The following RGS9 variants were observed in gnomAD, a reference collection of about 807,000 sequenced individuals.
The protein encoded by RGS9 is regulator of G protein signaling 9, also known as regulator of G-protein signalling 9.
A neutral mutation model predicts 102.0 loss-of-function variants in RGS9; 78 were observed. The ratio of observed to expected loss-of-function variants is 0.76; its 90% CI spans 0.64 to 0.92. The LOEUF (loss-of-function observed/expected upper bound fraction) is 0.92, where lower values mean the gene tolerates loss of function less well. Ranked by LOEUF, RGS9 falls within the 40% of genes least tolerant of loss-of-function variation. The pLI is 0.00. For missense variants in RGS9, 833 were observed against 866.1 expected, an observed-to-expected ratio of 0.96 and a Z score of 0.48; for synonymous variants, 353 against 318.6, an observed-to-expected ratio of 1.11 and a Z score of -1.15.
chr17:65,164,522 G>T (rs1911102052), intron 7 of RGS9, among the ~76,000 whole-genome samples: 1 of 152,150 alleles, frequency 6.6e-6, no homozygotes, highest in African/African-American at 2.4e-5. Context: ...ATCCAGGAAG[G>T]TCTAGACTTG....
At chr17:65,212,952 A>G (rs1171359031) in intron 17 of RGS9, among the ~76,000 whole-genome samples, 1 of 152,170 alleles carries the variant, frequency 6.6e-6, no homozygotes, top group Non-Finnish European at 1.5e-5. Flanking sequence ...CATGAATGAC[A>G]TGAGTGGATG....
At chr17:65,161,701 T>G (rs1910988829) in intron 6 of RGS9, among the ~76,000 whole-genome samples, 1 of 135,312 alleles carries the variant, frequency 7.4e-6, no homozygotes, top group Non-Finnish European at 1.5e-5. Flanking sequence ...TTTTTATTTT[T>G]ATTTATATAT....
At chr17:65,171,312 A>T (rs1029508923) in intron 8 of RGS9, among the ~76,000 whole-genome samples, 1 of 152,224 alleles carries the variant, frequency 6.6e-6, no homozygotes, top group Admixed American at 6.5e-5. Flanking sequence ...CTTGGCACAG[A>T]TGACCTCATT....
intron 8 of RGS9, among the ~76,000 whole-genome samples, chr17:65,175,163 G>A (rs1911578216): frequency 2.6e-5 from 4 of 151,300 alleles, no homozygotes; most frequent in Admixed American, 2.6e-4. Context: ...GGGAGTATGT[G>A]TAGGTGTGTG....
At chr17:65,182,648 A>G (rs987634324) in intron 9 of RGS9, among the ~76,000 whole-genome samples, 1 of 152,228 alleles carries the variant, frequency 6.6e-6, no homozygotes, top group Admixed American at 6.5e-5. Flanking sequence ...AGAAAACAAA[A>G]TAGAGAGACA....
At chr17:65,153,296 G>A (rs527240413) in intron 1 of RGS9, 126 bp from the exon 2 acceptor site, 6 of 824,638 alleles carry the variant, frequency 7.3e-6, no homozygotes, top group Non-Finnish European at 1.1e-5. Context: ...CCTGGCTCCT[G>A]TACCAGATGG....
chr17:65,199,790 G>A (rs952454873), intron 13 of RGS9, among the ~76,000 whole-genome samples: 8 of 151,980 alleles, frequency 5.3e-5, no homozygotes, highest in African/African-American at 1.9e-4. Context: ...CACTGCGCCT[G>A]GCCACGTGGT....
chr17:65,203,354 G>A (rs1419044940), intron 14 of RGS9, among the ~76,000 whole-genome samples: 1 of 152,138 alleles, frequency 6.6e-6, no homozygotes, highest in Admixed American at 6.5e-5. Context: ...ATGGGTGCCT[G>A]ATTGCCTTAC....
intron 1 of RGS9, among the ~76,000 whole-genome samples, chr17:65,153,078 G>A (rs994339191): frequency 6.6e-5 from 10 of 152,156 alleles, no homozygotes; most frequent in African/African-American, 2.4e-4. Context: ...ACTAACCCTG[G>A]GAGCTGTCAT....
At chr17:65,226,789 A>G (rs1166413797) in intron 18 of RGS9, among the ~76,000 whole-genome samples, 1 of 151,758 alleles carries the variant, frequency 6.6e-6, no homozygotes, top group African/African-American at 2.4e-5. Flanking sequence ...ATTTTTTTGT[A>G]TTTTTAGTAG....
chr17:65,177,749 G>T lies in RGS9; in HGVS notation c.600G>T (p.Val200=). The T allele has an allele frequency of 6.2e-7, 1 of 1,614,172 alleles. No individual in the cohort carries two copies. The highest frequency in any genetic ancestry group is 8.5e-7 in the Non-Finnish European group (1 of 1,179,998). ...VHRCPPGMDN[V]LDYGLDRVTN... is the part of the protein sequence containing the mutation. ...CCATTTAGCCTGGAATGGACAATGT[G>T]CTGGACTACGGCCTGGACCGAGTGA... The change falls in exon 9 of 19, where the codon GTG becomes GTT. Residue 200 remains valine, a synonymous_variant. Transcript: ENST00000262406.
chr17:65,181,279 C>T (rs1911875394), intron 9 of RGS9, among the ~76,000 whole-genome samples: 1 of 152,206 alleles, frequency 6.6e-6, no homozygotes, highest in Admixed American at 6.5e-5. Flanking sequence ...TATAAGCTTC[C>T]CTTTTCTCCT....
rs1252115540 is a variant in RGS9 at position 65,153,452 on chromosome 17, C to G, written c.88C>G (p.Pro30Ala). Residue 30 changes from proline to alanine, a missense_variant, in exon 2 of 19, where the codon CCA becomes GCA. This residue lies in a region of RGS9 where 328 missense variants were observed against 340.6 expected (regional missense o/e 0.96). Transcript: ENST00000262406. Reference protein sequence around the residue: ...IEALVKDMQNPETGVRMQNQR... With the variant: ...IEALVKDMQNAETGVRMQNQR... ...AGCGCTCGTGAAGGACATGCAGAAC[C>G]CAGAGACAGGGGTCCGAATGCAGAA... 1 of 1,614,182 alleles carries G rather than the reference C, an allele frequency of 6.2e-7. No homozygotes were observed. The highest frequency in any genetic ancestry group is 1.1e-5 in the South Asian group (1 of 91,082).
intron 10 of RGS9, 125 bp from the exon 11 acceptor site, chr17:65,190,035 ACTGGTACTGAGGGGG>A: frequency 1.3e-6 from 1 of 770,982 alleles, no homozygotes; most frequent in Admixed American, 1.7e-5. Flanking sequence ...GGCCTGACCC[ACTGGTACTGAGGGGG>A]CTGGCTCTGG....
intron 4 of RGS9, 28 bp from the exon 5 acceptor site, chr17:65,160,508 A>G (rs772312424): frequency 3.6e-5 from 58 of 1,613,970 alleles, no homozygotes; most frequent in Non-Finnish European, 4.7e-5. Flanking sequence ...CCAGTTTTAA[A>G]GCGTGGTTTC....
chr17:65,202,176 C>T lies in RGS9; in HGVS notation c.1064+96C>T. Reference sequence around the variant, plus strand: ...GAAGATAGGATGAGAGGACAACAGCCTGGTAGCTGGCTGGGCCCTGGTCAG... The same window carrying T: ...GAAGATAGGATGAGAGGACAACAGCTTGGTAGCTGGCTGGGCCCTGGTCAG... On this transcript the variant is annotated intron_variant, in intron 14 of 18. Transcript: ENST00000262406. 9 of 823,266 alleles carry T rather than the reference C, an allele frequency of 1.1e-5. No individual in the cohort carries two copies. The South Asian group carries it at 1.2e-4, about 11-fold the overall frequency. The allele number at this position is 823,266 out of a possible 1,614,324, so 51.0% of individuals were successfully genotyped here.
chr17:65,153,633 T>C (rs930051921), intron 2 of RGS9, 115 bp downstream of exon 2: 20 of 829,462 alleles, frequency 2.4e-5, no homozygotes, highest in Non-Finnish European at 3.5e-5. Context: ...GGCTCACGCC[T>C]GTAATCCCAG....
At chr17:65,140,123 A>C (rs546105018) in intron 1 of RGS9, among the ~76,000 whole-genome samples, 24 of 152,346 alleles carry the variant, frequency 1.6e-4, no homozygotes, top group Admixed American at 1.0e-3. Context: ...TGAGGCTCAG[A>C]GAGGCTAAGC....
intron 10 of RGS9, among the ~76,000 whole-genome samples, 153 bp from the exon 11 acceptor site, chr17:65,190,022 G>A (rs1025095770): frequency 3.3e-5 from 5 of 152,038 alleles, no homozygotes; most frequent in African/African-American, 1.2e-4. Context: ...TCTGTCCACT[G>A]TGGGCCTGAC....
Sources: allele counts gnomAD v4.1 joint callset (sites outside exome capture counted in the v4.1 genomes callset), GRCh38; gene constraint gnomAD v4.1.1; regional missense constraint gnomAD v4.1.1; transcripts MANE v1.5; gene names NCBI Gene and HGNC (gene_info 2026-07-23, HGNC 2026-07-21).